Variants in RPS6KA2 observed in about 807,000 individuals in gnomAD.
RPS6KA2 encodes the protein ribosomal protein S6 kinase A2, also known as ribosomal protein S6 kinase alpha-2.
Under a neutral mutation model 91.8 loss-of-function variants are expected in RPS6KA2, and 42 were observed. The observed-to-expected ratio is 0.46, with a 90% CI of 0.36 to 0.59. The LOEUF (loss-of-function observed/expected upper bound fraction) is 0.59, where lower values mean the gene tolerates loss of function less well. Among genes scored for constraint, RPS6KA2 ranks in the 20% least tolerant of loss-of-function variants. The probability of loss-of-function intolerance (pLI) is 0.00; values close to 1 mark genes in which losing one functional copy is unlikely to be tolerated. For synonymous variants in RPS6KA2, 414 were observed against 393.6 expected, an observed-to-expected ratio of 1.05 and a Z score of -0.61; for missense variants, 798 against 978.5, an observed-to-expected ratio of 0.82 and a Z score of 2.46.
chr6:166,586,072 C>A lies in RPS6KA2; in HGVS notation c.99+40849G>T. 3 of 1,022,752 alleles carry A rather than the reference C, an allele frequency of 2.9e-6. No individual in the cohort carries two copies. In the South Asian group the frequency reaches 5.2e-5, roughly 18 times the overall value. 63.4% of individuals were successfully genotyped at this position (1,022,752 alleles called of 1,614,324 possible). On this transcript the variant is annotated intron_variant, in intron 1 of 20. Coordinates refer to ENST00000265678, the MANE Select transcript of RPS6KA2 (RefSeq NM_021135.6). ...ACCAACAGAAGACACCCAAACTTTT[C>A]TCATGGTAACAGAGTAAATGCTTTT...
intron 2 of RPS6KA2, among the ~76,000 whole-genome samples, chr6:166,647,070 C>G (rs1787628840): frequency 6.6e-6 from 1 of 152,214 alleles, no homozygotes; most frequent in African/African-American, 2.4e-5. Flanking sequence ...AAGAATTATT[C>G]CACAAATATC....
Position 166,710,485 on chromosome 6 carries a change from AGTGTGTGT to A in RPS6KA2, c.123+147707_123+147714del, listed in dbSNP as rs66993073. Reference sequence around the variant, plus strand: ...ATATGTGTATGGTATGTGTTGTGTGAGTGTGTGTGTGTGTGTGTGTGTGTGGTGTGTGT... The same window carrying A: ...ATATGTGTATGGTATGTGTTGTGTGAGTGTGTGTGTGTGTGTGGTGTGTGT... On this transcript the variant is annotated intron_variant, in intron 2 of 21. Coordinates refer to the RPS6KA2 transcript ENST00000503859. Among the ~76,000 whole-genome samples, 174 of 149,982 alleles carry A rather than the reference AGTGTGTGT, an allele frequency of 1.2e-3. 1 individual carries two copies. The South Asian group carries it at 0.023, about 20-fold the overall frequency.
At chr6:166,819,994 A>G (rs1486418430) in intron 2 of RPS6KA2, among the ~76,000 whole-genome samples, 1 of 152,122 alleles carries the variant, frequency 6.6e-6, no homozygotes, top group Non-Finnish European at 1.5e-5. Flanking sequence ...TGTTTTGTCA[A>G]CAAAGCCTGG....
rs746629861 is a variant in RPS6KA2, at chr6:166,409,858, T to C, written c.*2904A>G. The stretch of plus-strand genomic sequence containing the variant: ...ATTTAATGAACAATACTGGATAACA[T>C]TAAGTACTATTATCACTTTAAAATT... On this transcript the variant is annotated 3_prime_UTR_variant, in exon 21 of 21. Transcript: ENST00000265678. 10 of 152,696 alleles carry C rather than the reference T, an allele frequency of 6.5e-5. No homozygotes were observed. Among genetic ancestry groups the C allele is most frequent in the Non-Finnish European group, 1.3e-4 (9 of 68,038 alleles). 9.5% of individuals were successfully genotyped at this position (152,696 alleles called of 1,614,324 possible).
At chr6:166,818,314 T>C (rs1779822138) in intron 2 of RPS6KA2, among the ~76,000 whole-genome samples, 1 of 152,330 alleles carries the variant, frequency 6.6e-6, no homozygotes, top group East Asian at 1.9e-4. Flanking sequence ...CTCCCTTTTA[T>C]CTCTGAAGAG....
At chr6:166,591,892 T>A (rs9356491) in intron 1 of RPS6KA2, among the ~76,000 whole-genome samples, 1 of 152,244 alleles carries the variant, frequency 6.6e-6, no homozygotes, top group Non-Finnish European at 1.5e-5. Flanking sequence ...CAGAAGGCTG[T>A]GGACAACAGC....
chr6:166,424,553 C>A (rs1195390764), intron 16 of RPS6KA2, among the ~76,000 whole-genome samples: 2 of 152,208 alleles, frequency 1.3e-5, no homozygotes, highest in Non-Finnish European at 1.5e-5. Flanking sequence ...GGGCTGGGAC[C>A]AAGAGCACTG....
rs188652109 is a variant in RPS6KA2, at chr6:166,805,024, G to A, written c.123+53176C>T. Reference sequence around the variant, plus strand: ...CAGGAAAGCTTCTGGAAATGAAAGAGCAAATGCATATGAATCCATCTCTAC... The same window carrying A: ...CAGGAAAGCTTCTGGAAATGAAAGAACAAATGCATATGAATCCATCTCTAC... On this transcript the variant is annotated intron_variant, in intron 2 of 21. Transcript: ENST00000503859. Among the ~76,000 whole-genome samples the A allele has an allele frequency of 5.3e-3, 813 of 152,306 alleles. 5 individuals are homozygous for A. The highest frequency in any genetic ancestry group is 0.018 in the African/African-American group (768 of 41,552).
chr6:166,560,133 C>A (rs1300671455), intron 1 of RPS6KA2, among the ~76,000 whole-genome samples: 1 of 152,176 alleles, frequency 6.6e-6, no homozygotes, highest in Non-Finnish European at 1.5e-5. Flanking sequence ...AGCAGACACA[C>A]CAGACCACAC....
At chr6:166,756,981 T>C (rs1778029532) in intron 2 of RPS6KA2, among the ~76,000 whole-genome samples, 1 of 152,174 alleles carries the variant, frequency 6.6e-6, no homozygotes, top group Non-Finnish European at 1.5e-5. Flanking sequence ...GCGGTGGTGG[T>C]GGCTGCCCAA....
At chr6:166,449,060 T>A (rs1463579875) in intron 13 of RPS6KA2, among the ~76,000 whole-genome samples, 1 of 152,184 alleles carries the variant, frequency 6.6e-6, no homozygotes, top group Non-Finnish European at 1.5e-5. Context: ...TTCCTTGGGC[T>A]ATGACTCTTA....
intron 2 of RPS6KA2, among the ~76,000 whole-genome samples, chr6:166,786,869 G>T (rs1229233652): frequency 1.3e-5 from 2 of 151,936 alleles, no homozygotes; most frequent in Non-Finnish European, 2.9e-5. Context: ...CCACATTTTT[G>T]ATCCTCATGA....
rs1235175284 is a variant in RPS6KA2 at position 166,415,745 on chromosome 6, AG to A, written c.1939-1815del. On this transcript the variant is annotated intron_variant, in intron 19 of 20. Transcript: ENST00000265678. ...ATCTACACTCATTTAAGACAAAGTG[AG>A]GGTGTGGACAGGAGCATTTGGACTG... is the stretch of plus-strand genomic sequence containing the variant. Among the ~76,000 whole-genome samples the A allele has an allele frequency of 3.3e-5, 5 of 152,122 alleles. No homozygotes were observed. In the East Asian group the frequency reaches 9.6e-4, roughly 29 times the overall value.
At chr6:166,444,139 C>T (rs7759671) in intron 14 of RPS6KA2, among the ~76,000 whole-genome samples, 4,942 of 151,964 alleles carry the variant, frequency 0.033, 209 homozygotes, top group African/African-American at 0.088. Context: ...CAAATAATTC[C>T]CTCTCTCAAT....
intron 2 of RPS6KA2, among the ~76,000 whole-genome samples, chr6:166,690,379 C>T (rs189117086): frequency 1.3e-5 from 2 of 152,102 alleles, no homozygotes; most frequent in Non-Finnish European, 2.9e-5. Flanking sequence ...AGAGGCAATA[C>T]GGAAATACAG....
Position 166,419,979 on chromosome 6 carries a change from A to G in RPS6KA2, c.1744-21T>C, listed in dbSNP as rs1260114121. On this transcript the variant is annotated intron_variant, in intron 17 of 20. Transcript: ENST00000265678. The surrounding 1 kb of genome is among the most constrained non-coding windows in gnomAD (Gnocchi z 5.6). ...AGGACCTAGGAGGGAACGACAGGAC[A>G]CCGGCACGCCCTTCACTAAGGACAT... 1 of 1,609,190 alleles carries G rather than the reference A, an allele frequency of 6.2e-7. No homozygotes were observed. Among genetic ancestry groups the G allele is most frequent in the East Asian group, 2.2e-5 (1 of 44,818 alleles).
intron 2 of RPS6KA2, 99 bp downstream of exon 2, chr6:166,538,569 C>A: frequency 1.5e-6 from 1 of 684,270 alleles, no homozygotes; most frequent in Non-Finnish European, 2.7e-6. Flanking sequence ...CGCAGCCCTG[C>A]AGGTGAGGAC....
chr6:166,530,437 G>A (rs576012785), intron 3 of RPS6KA2, among the ~76,000 whole-genome samples: 2 of 152,330 alleles, frequency 1.3e-5, no homozygotes, highest in South Asian at 2.1e-4. Flanking sequence ...TAGGAAGCCT[G>A]CCTCTCACCG....
intron 12 of RPS6KA2, among the ~76,000 whole-genome samples, chr6:166,454,094 G>A (rs900553291): frequency 3.9e-5 from 6 of 152,154 alleles, no homozygotes; most frequent in African/African-American, 1.4e-4. Flanking sequence ...ATTACTTAAT[G>A]GGTAAAATGA....
Sources: gnomAD v4.1 joint callset for allele counts (sites outside exome capture counted in the v4.1 genomes callset) on GRCh38, gnomAD v4.1.1 for gene constraint, Gnocchi (gnomAD v3.1) non-coding constraint, MANE v1.5 for transcripts, NCBI Gene and HGNC (gene_info 2026-07-23, HGNC 2026-07-21) for gene names.